Variants in FBXL13 observed in about 807,000 individuals in gnomAD.
The protein encoded by FBXL13 is F-box and leucine-rich repeat protein 13.
In FBXL13, 67 loss-of-function variants were observed where a neutral mutation model predicts 83.6. The observed-to-expected ratio is 0.80, with a 90% confidence interval of 0.66 to 0.98. The LOEUF is 0.98. Ranked by LOEUF, FBXL13 falls within the 50% of genes least tolerant of loss-of-function variation. FBXL13 has a pLI of 0.00. For missense variants in FBXL13, 822 were observed against 866.5 expected, an observed-to-expected ratio of 0.95 and a Z score of 0.64; for synonymous variants, 272 against 299.5, an observed-to-expected ratio of 0.91 and a Z score of 0.95.
chr7:102,832,907 A>G lies in FBXL13; in HGVS notation c.1787T>C (p.Met596Thr), dbSNP rs758868823. 3.7e-6 allele frequency: 6 copies of G among 1,614,232 alleles called. No individual in the cohort carries two copies. In the East Asian group the frequency reaches 1.3e-4, roughly 36 times the overall value. The change falls in exon 18 of 20, where the codon ATG (methionine) becomes ACG (threonine). Residue 596 changes from methionine (M) to threonine (T), a missense_variant. Met to Thr is a moderately conservative substitution (Grantham distance 81). Transcript: ENST00000313221. ...GTAAATGGCCAGTGCTTTGATAATC[A>G]TATCTGACAGCTGGGAGCAATAAGA...
intron 11 of FBXL13, among the ~76,000 whole-genome samples, chr7:102,894,890 C>T (rs1036610433): frequency 5.3e-5 from 8 of 152,120 alleles, no homozygotes; most frequent in Admixed American, 3.9e-4. Flanking sequence ...ACCAACTTCC[C>T]ACTACGTAAC....
chr7:102,939,679 G>C (rs954493936), intron 8 of FBXL13: 1 of 1,086,810 alleles, frequency 9.2e-7, no homozygotes, highest in African/African-American at 1.6e-5. Flanking sequence ...CAGTTTAAAA[G>C]TAACTGAACT....
At chr7:103,038,678 A>G (rs140644350) in intron 2 of FBXL13, among the ~76,000 whole-genome samples, 1,673 of 152,320 alleles carry the variant, frequency 0.011, 34 homozygotes, top group African/African-American at 0.039. Flanking sequence ...TAGGCAAACA[A>G]GGTCTGGAGT....
intron 6 of FBXL13, among the ~76,000 whole-genome samples, chr7:102,983,451 G>A (rs570437168): frequency 3.3e-4 from 44 of 134,002 alleles, no homozygotes; most frequent in South Asian, 2.1e-3. Context: ...GTGGGGTCTC[G>A]TTCTGTCACC....
At chr7:102,857,719 A>C (rs572576145) in intron 16 of FBXL13, 2 of 152,286 alleles carry the variant, frequency 1.3e-5, no homozygotes, top group Admixed American at 1.3e-4. Flanking sequence ...TATATGAAAA[A>C]TCATCATCAG....
At chr7:103,003,292 T>G (rs1165702745) in intron 6 of FBXL13, among the ~76,000 whole-genome samples, 14 of 127,630 alleles carry the variant, frequency 1.1e-4, no homozygotes, top group African/African-American at 2.1e-4. Context: ...TTTTTTTTTT[T>G]TTTTTTTTTT....
At chr7:103,041,330 A>G (rs910886371) in intron 2 of FBXL13, among the ~76,000 whole-genome samples, 1 of 152,204 alleles carries the variant, frequency 6.6e-6, no homozygotes, top group Non-Finnish European at 1.5e-5. Flanking sequence ...TGAAGCAATA[A>G]TAGCCTACCA....
rs11557393 is a variant in FBXL13, at chr7:102,913,058, G to A, written c.1008+28C>T. On this transcript the variant is annotated intron_variant, in intron 11 of 19. Coordinates refer to ENST00000313221, the Ensembl canonical transcript of FBXL13. ...TCTCTGGAGAACTTCCTCACACACC[G>A]CAGCAAAGAGAAGACTGAAAGACAA... 8,890 of 1,613,678 alleles carry A rather than the reference G, an allele frequency of 5.5e-3. 551 individuals are homozygous for A. In the East Asian group the frequency reaches 0.14, roughly 26 times the overall value.
intron 6 of FBXL13, among the ~76,000 whole-genome samples, chr7:103,004,869 A>T (rs1301287484): frequency 6.6e-6 from 1 of 152,134 alleles, no homozygotes; most frequent in Non-Finnish European, 1.5e-5. Context: ...TGAAGGCCAG[A>T]CTGGTTCTAC....
At chr7:102,914,035 C>T (rs140759644) in intron 10 of FBXL13, among the ~76,000 whole-genome samples, 5 of 152,216 alleles carry the variant, frequency 3.3e-5, no homozygotes, top group Admixed American at 1.3e-4. Flanking sequence ...GAGGACACTC[C>T]GTGGACAATT....
intron 11 of FBXL13, among the ~76,000 whole-genome samples, chr7:102,906,952 T>G (rs1421926224): frequency 6.6e-6 from 1 of 151,656 alleles, no homozygotes; most frequent in African/African-American, 2.4e-5. Flanking sequence ...TTTGATTGGG[T>G]TTTTTTTGTT....
At chr7:102,862,328 CAA>C (rs111697845) in intron 16 of FBXL13, among the ~76,000 whole-genome samples, 15,400 of 96,710 alleles carry the variant, frequency 0.16, 854 homozygotes, top group South Asian at 0.22. Context: ...GAATCTGTCT[CAA>C]AAAAAAAAAA....
intron 6 of FBXL13, among the ~76,000 whole-genome samples, chr7:103,024,459 G>A (rs993391902): frequency 1.5e-4 from 23 of 150,000 alleles, no homozygotes; most frequent in South Asian, 2.1e-4. Context: ...CCCAGGAGGC[G>A]GAGGTTGCAG....
At chr7:102,839,400 C>G (rs971963054) in intron 17 of FBXL13, among the ~76,000 whole-genome samples, 1 of 152,170 alleles carries the variant, frequency 6.6e-6, no homozygotes, top group African/African-American at 2.4e-5. Flanking sequence ...TCCCCTGGGC[C>G]CACTGTTCTT....
chr7:102,926,535 T>C (rs1259788960), intron 9 of FBXL13, among the ~76,000 whole-genome samples, 161 bp from the exon 11 acceptor site: 1 of 152,228 alleles, frequency 6.6e-6, no homozygotes, highest in Non-Finnish European at 1.5e-5. Context: ...TGAAATTAAA[T>C]AGAAGCCAAT....
At chr7:102,952,625 T>A (rs1288016554) in intron 8 of FBXL13, among the ~76,000 whole-genome samples, 1 of 152,034 alleles carries the variant, frequency 6.6e-6, no homozygotes, top group Non-Finnish European at 1.5e-5. Context: ...CAAAACTGAC[T>A]CGAGAAGAAA....
intron 6 of FBXL13, among the ~76,000 whole-genome samples, chr7:102,976,703 C>T (rs1177629775): frequency 1.3e-5 from 2 of 152,154 alleles, no homozygotes; most frequent in Non-Finnish European, 2.9e-5. Flanking sequence ...GAAGCAGTAT[C>T]CCATCCCCCA....
chr7:102,816,734 C>T (rs1000067206), intron 19 of FBXL13, among the ~76,000 whole-genome samples: 8 of 152,186 alleles, frequency 5.3e-5, no homozygotes, highest in African/African-American at 1.7e-4. Context: ...ACATAATGCC[C>T]AGTAGGTACT....
intron 6 of FBXL13, among the ~76,000 whole-genome samples, chr7:103,023,227 G>T (rs1404096325): frequency 6.6e-6 from 1 of 152,170 alleles, no homozygotes; most frequent in African/African-American, 2.4e-5. Context: ...AGTGAGCTGA[G>T]ATCGCGCCAC....
Sources: gnomAD v4.1 joint callset for allele counts (sites outside exome capture counted in the v4.1 genomes callset) on GRCh38, gnomAD v4.1.1 for gene constraint, MANE v1.5 for transcripts, NCBI Gene and HGNC (gene_info 2026-07-23, HGNC 2026-07-21) for gene names.